The following ITGAM variants were observed in gnomAD, a reference collection of about 807,000 sequenced individuals.
ITGAM encodes integrin alpha-M.
Under a neutral mutation model 137.5 loss-of-function variants are expected in ITGAM, and 79 were observed. The observed-to-expected ratio is 0.57, with a 90% CI of 0.48 to 0.69. ITGAM has a LOEUF of 0.69. ITGAM is among the 30% of genes least tolerant of loss of function. ITGAM has a pLI of 0.00. For synonymous variants in ITGAM, 583 were observed against 592.3 expected (o/e 0.98, Z 0.23); for missense variants, 1,343 against 1,483.5 (o/e 0.91, Z 1.56).
chr16:31,308,903 T>C (rs2080293666), intron 14 of ITGAM, among the ~76,000 whole-genome samples: 1 of 144,234 alleles, frequency 6.9e-6, no homozygotes, highest in Non-Finnish European at 1.5e-5. Flanking sequence ...CTTCATTTTG[T>C]TATGTACCCA....
chr16:31,306,626 C>T (rs954344700), intron 14 of ITGAM, among the ~76,000 whole-genome samples: 1 of 151,894 alleles, frequency 6.6e-6, no homozygotes, highest in African/African-American at 2.4e-5. Context: ...ATTCTTTTGC[C>T]TCAGCCTCCT....
At chr16:31,321,205 C>A (rs1487325911) in intron 14 of ITGAM, 36 bp from the exon 15 acceptor site, 1 of 1,611,430 alleles carries the variant, frequency 6.2e-7, no homozygotes, top group Non-Finnish European at 8.5e-7. Context: ...GTCTTTCCTA[C>A]CCCTTTCTCT....
chr16:31,327,145 C>T (rs1329351013), intron 22 of ITGAM, among the ~76,000 whole-genome samples: 2 of 152,210 alleles, frequency 1.3e-5, no homozygotes, highest in East Asian at 3.8e-4. Context: ...TTCCTGCCCT[C>T]TCGGAGATGA....
At position 31,277,985 on chromosome 16, in the gene ITGAM, T is replaced by A; in HGVS notation, c.1232T>A (p.Ile411Asn). 6.2e-7 allele frequency: 1 copy of A among 1,600,418 alleles called. No individual in the cohort carries two copies. The highest frequency in any genetic ancestry group is 8.5e-7 in the Non-Finnish European group (1 of 1,173,412). The change falls in exon 12 of 30, where the codon ATC becomes AAC. Residue 411 changes from isoleucine (I) to asparagine (N), a missense_variant. Coordinates refer to ENST00000544665, the MANE Select transcript of ITGAM (RefSeq NM_000632.4). ...CCTTCAGGTTATGCTGCCGCCATCA[T>A]CTTACGGAACCGGGTGCAAAGCCTG... ...DAYLGYAAAIILRNRVQSLVL... is the reference protein window; with the variant it reads ...DAYLGYAAAINLRNRVQSLVL...
At chr16:31,330,054 C>A in intron 25 of ITGAM, 27 bp from the exon 26 acceptor site, 2 of 1,608,396 alleles carry the variant, frequency 1.2e-6, no homozygotes, top group Non-Finnish European at 1.7e-6. Context: ...TCATCTCTGC[C>A]CCTTCTCAGT....
intron 5 of ITGAM, among the ~76,000 whole-genome samples, chr16:31,269,848 C>T (rs1055190649): frequency 1.3e-5 from 2 of 152,136 alleles, no homozygotes; most frequent in Non-Finnish European, 1.5e-5. Flanking sequence ...GGAGAACACC[C>T]GGACCTCACT....
At chr16:31,311,654 T>C (rs2080333151) in intron 14 of ITGAM, among the ~76,000 whole-genome samples, 1 of 152,174 alleles carries the variant, frequency 6.6e-6, no homozygotes. Flanking sequence ...GGAGAGGATG[T>C]GGAGAAATAG....
chr16:31,314,647 T>A (rs1246882062), intron 14 of ITGAM, among the ~76,000 whole-genome samples: 2 of 152,130 alleles, frequency 1.3e-5, no homozygotes, highest in African/African-American at 4.8e-5. Context: ...GTAGTATAGT[T>A]TGAAGTCAGG....
Position 31,297,670 on chromosome 16 carries a change from A to G in ITGAM, c.1497+16A>G. 4 of 1,610,020 alleles carry G rather than the reference A, an allele frequency of 2.5e-6. No individual in the cohort carries two copies. Among genetic ancestry groups the G allele is most frequent in the Non-Finnish European group, 3.4e-6 (4 of 1,178,570 alleles). On this transcript the variant is annotated intron_variant, in intron 13 of 29. Coordinates refer to ENST00000544665, the MANE Select transcript of ITGAM (RefSeq NM_000632.4). ...GCCCAGGGGGGTGAGTGGCAATGGG[A>G]CCTGGGCTGGGTGGGGCCCGGTGTG...
intron 12 of ITGAM, among the ~76,000 whole-genome samples, chr16:31,286,446 A>C (rs1432834485): frequency 6.6e-6 from 1 of 152,216 alleles, no homozygotes; most frequent in Non-Finnish European, 1.5e-5. Context: ...TGGCTGGACT[A>C]ATTTACATTC....
chr16:31,318,756 CTT>C (rs936780366), intron 14 of ITGAM, among the ~76,000 whole-genome samples: 1 of 151,914 alleles, frequency 6.6e-6, no homozygotes, highest in Non-Finnish European at 1.5e-5. Context: ...CTTCTACTAA[CTT>C]TAGGTTTAGT....
At chr16:31,282,318 G>C (rs2079978555) in intron 12 of ITGAM, among the ~76,000 whole-genome samples, 1 of 152,138 alleles carries the variant, frequency 6.6e-6, no homozygotes, top group Admixed American at 6.6e-5. Context: ...TGACAGTGGG[G>C]TGTTAAAGTC....
rs753351723 is a variant in ITGAM, at chr16:31,328,134, T to C, written c.2709-13T>C. On this transcript the variant is annotated splice_polypyrimidine_tract_variant and intron_variant, in intron 22 of 29. Transcript: ENST00000544665. Reference sequence around the variant, plus strand: ...TTCTCAAGAGCCGGCTGGAGCTCTTTCTTTCCCTCCAGTGAGAACAACATG... The same window carrying C: ...TTCTCAAGAGCCGGCTGGAGCTCTTCCTTTCCCTCCAGTGAGAACAACATG... 1 of 1,608,876 alleles carries C rather than the reference T, an allele frequency of 6.2e-7. No individual in the cohort carries two copies. Among genetic ancestry groups the C allele is most frequent in the Non-Finnish European group, 8.5e-7 (1 of 1,175,430 alleles).
intron 14 of ITGAM, among the ~76,000 whole-genome samples, chr16:31,315,456 T>G (rs1276754770): frequency 6.6e-6 from 1 of 152,158 alleles, no homozygotes; most frequent in African/African-American, 2.4e-5. Context: ...ATTTTTTTAT[T>G]TTTTAATTTA....
intron 14 of ITGAM, among the ~76,000 whole-genome samples, chr16:31,299,395 A>T (rs905722467): frequency 2.0e-5 from 3 of 151,914 alleles, no homozygotes; most frequent in East Asian, 1.9e-4. Flanking sequence ...CTGCAACCTT[A>T]CCTCCTGGGT....
chr16:31,331,653 G>C lies in ITGAM; in HGVS notation c.3405G>C (p.Arg1135=). ...AALYKLGFFK[R]QYKDMMSEGG... ...CCCCGCAGCTCGGCTTCTTCAAGCGGCAATACAAGGACATGATGAGTGAAG... is the reference window on the plus strand; with the variant it reads ...CCCCGCAGCTCGGCTTCTTCAAGCGCCAATACAAGGACATGATGAGTGAAG... Residue 1135 remains arginine (R), a synonymous_variant, in exon 30 of 30, where the codon CGG becomes CGC. Transcript: ENST00000544665. The C allele has an allele frequency of 6.2e-7, 1 of 1,609,856 alleles. No homozygotes were observed.
Position 31,325,269 on chromosome 16 carries a change from C to T in ITGAM, c.2370C>T (p.Asp790=). The change falls in exon 20 of 30, where the codon GAC becomes GAT. Residue 790 remains aspartate, a synonymous_variant. Transcript: ENST00000544665. ...TGTCTTCTTCTTCCCACAGCCTGGA[C>T]TGCCTCGTGGTGGGTGGGCCCCGGG... The part of the protein sequence containing the change: ...LSITFSFMSL[D]CLVVGGPREF... 1.2e-6 allele frequency: 2 copies of T among 1,611,350 alleles called. No homozygotes were observed. Among genetic ancestry groups the T allele is most frequent in the Non-Finnish European group, 1.7e-6 (2 of 1,178,456 alleles).
chr16:31,270,688 C>CAT (rs1567248698), intron 5 of ITGAM, among the ~76,000 whole-genome samples: 2 of 30,538 alleles, frequency 6.5e-5, no homozygotes, highest in African/African-American at 1.3e-4. Flanking sequence ...TAATTTTTAA[C>CAT]GTGTGTGTGT....
At position 31,275,698 on chromosome 16, in the gene ITGAM, G is replaced by C. The variant is rs1399415217; in HGVS notation, c.1008G>C (p.Glu336Asp). ...TTCGGGAGAAGATCTTTGCGATCGA[G>C]GGTGAGTCAGGCATCTGTGTTCCCA... is the stretch of plus-strand genomic sequence containing the variant. ...NQLREKIFAI[E>D]GTQTGSSSSF... Residue 336 changes from glutamate to aspartate, a missense_variant and splice_region_variant, in exon 9 of 30, where the codon GAG becomes GAC. Coordinates refer to ENST00000544665, the MANE Select transcript of ITGAM (RefSeq NM_000632.4). 1 of 1,613,636 alleles carries C rather than the reference G, an allele frequency of 6.2e-7. No homozygotes were observed. The highest frequency in any genetic ancestry group is 1.7e-5 in the Admixed American group (1 of 59,988).
Sources: gnomAD v4.1 joint callset for allele counts (sites outside exome capture counted in the v4.1 genomes callset) on GRCh38, gnomAD v4.1.1 for gene constraint, MANE v1.5 for transcripts, NCBI Gene and HGNC (gene_info 2026-07-23, HGNC 2026-07-21) for gene names.